Variants in FRMPD4 observed in about 807,000 individuals in gnomAD.
The protein encoded by FRMPD4 is FERM and PDZ domain-containing protein 4.
Under a neutral mutation model 94.1 loss-of-function variants are expected in FRMPD4, and 22 were observed. That is an observed-to-expected ratio of 0.23 (90% CI 0.17 to 0.33). The LOEUF is 0.33. Among genes scored for constraint, FRMPD4 ranks in the 10% least tolerant of loss-of-function variants. The pLI is 1.00. For synonymous variants in FRMPD4, 631 were observed against 548.6 expected (o/e 1.15, Z -2.10); for missense variants, 1,111 against 1,339.9 (o/e 0.83, Z 2.67).
chrX:12,453,689 G>A (rs763077296), intron 1 of FRMPD4, among the ~76,000 whole-genome samples: 2 of 111,235 alleles, frequency 1.8e-5, no homozygotes, highest in Non-Finnish European at 3.8e-5. Flanking sequence ...TAACCATCAC[G>A]TATTAAGCCC....
intron 1 of FRMPD4, among the ~76,000 whole-genome samples, chrX:12,185,755 A>G (rs11797588): frequency 0.11 from 11,796 of 111,480 alleles, 539 homozygotes; most frequent in South Asian, 0.28. Context: ...AAGGAATCCA[A>G]TTTATTCCCA....
intron 1 of FRMPD4, among the ~76,000 whole-genome samples, chrX:12,434,480 G>A (rs758973656): frequency 8.9e-6 from 1 of 112,227 alleles, no homozygotes; most frequent in African/African-American, 3.2e-5. Context: ...AAACATCAAA[G>A]GAAGGAAATG....
At chrX:12,679,884 T>C (rs889237433) in intron 5 of FRMPD4, among the ~76,000 whole-genome samples, 4 of 111,397 alleles carry the variant, frequency 3.6e-5, no homozygotes, top group Non-Finnish European at 7.5e-5. Flanking sequence ...CTCACCTACC[T>C]GGGATTCCTG....
chrX:12,480,840 A>T (rs2057672501), intron 1 of FRMPD4, among the ~76,000 whole-genome samples: 1 of 112,480 alleles, frequency 8.9e-6, no homozygotes, highest in Non-Finnish European at 1.9e-5. Flanking sequence ...AACAAAAAGT[A>T]GCCTAAGAAC....
chrX:12,017,562 A>G (rs1012121224), intron 3 of FRMPD4, among the ~76,000 whole-genome samples: 1 of 112,541 alleles, frequency 8.9e-6, no homozygotes, highest in Non-Finnish European at 1.9e-5. Context: ...TGAAGGGTCA[A>G]GAGTATATTG....
Position 12,716,836 on chromosome X carries a change from G to C in FRMPD4, c.2377G>C (p.Asp793His). Residue 793 changes from aspartate to histidine, a missense_variant, in exon 15 of 17, where the codon GAC (aspartate) becomes CAC (histidine). Around this residue, in one of 8 missense-constraint regions of FRMPD4, gnomAD observed 74 missense variants for 93.9 expected, o/e 0.79. Transcript: ENST00000675598. Reference sequence around the variant, plus strand: ...ATCCCTGCCCCCTCCAGAAGGTGATGACAATGAGGATGACTTCCTGTTGCG... The same window carrying C: ...ATCCCTGCCCCCTCCAGAAGGTGATCACAATGAGGATGACTTCCTGTTGCG... ...LTSLPPPEGD[D>H]NEDDFLLRSL... 8.3e-7 allele frequency: 1 copy of C among 1,211,941 alleles called. No homozygotes were observed. Among genetic ancestry groups the C allele is most frequent in the East Asian group, 3.0e-5 (1 of 33,852 alleles).
At chrX:12,483,285 A>G (rs2057707631) in intron 1 of FRMPD4, among the ~76,000 whole-genome samples, 1 of 112,126 alleles carries the variant, frequency 8.9e-6, no homozygotes, top group Non-Finnish European at 1.9e-5. Context: ...GAATTGGGCT[A>G]TAGCACAGAA....
chrX:11,885,806 C>T (rs1184734498), intron 3 of FRMPD4, among the ~76,000 whole-genome samples: 2 of 111,239 alleles, frequency 1.8e-5, no homozygotes, highest in Non-Finnish European at 3.8e-5. Flanking sequence ...AAGGGCCCAT[C>T]GCTTTTTTCA....
intron 4 of FRMPD4, among the ~76,000 whole-genome samples, chrX:12,648,812 T>C (rs1373378483): frequency 8.9e-6 from 1 of 112,260 alleles, no homozygotes; most frequent in Non-Finnish European, 1.9e-5. Flanking sequence ...TTGGTGCACA[T>C]AGCCTGGGTT....
At position 12,721,600 on chromosome X, in the gene FRMPD4, C is replaced by G. The variant is rs1237057358; in HGVS notation, c.5031C>G (p.Ser1677Arg). The G allele has an allele frequency of 1.1e-5, 8 of 753,881 alleles. No individual in the cohort carries two copies. The highest frequency in any genetic ancestry group is 1.1e-5 in the Non-Finnish European group (7 of 638,439). The allele number at this position is 753,881 out of a possible 1,213,427, so 62.1% of individuals were successfully genotyped here. ...AGATGCTCCTAGCTATGACTTCCAG[C>G]TTTCAAGTGCTCTGTTGCCTAACAG... is the stretch of plus-strand genomic sequence containing the variant. ...PEEMLLAMTSSFQVLCCLTEA... is the reference protein window; with the variant it reads ...PEEMLLAMTSRFQVLCCLTEA... Residue 1677 changes from serine (S) to arginine (R), a missense_variant, in exon 17 of 17, where the codon AGC becomes AGG. By Grantham distance (110) the Ser-to-Arg change is moderately radical (BLOSUM62 -1). Around this residue, in one of 8 missense-constraint regions of FRMPD4, gnomAD observed 551 missense variants for 591.6 expected, o/e 0.93. Coordinates refer to ENST00000675598, the MANE Select transcript of FRMPD4 (RefSeq NM_001368397.1).
rs2049162719 is a variant in FRMPD4 at position 12,016,999 on chromosome X, C to T, written c.95+138981C>T. Reference sequence around the variant, plus strand: ...AGGCTGTTGTGTGCCTTAGAATAGGCTTGCTCCATATACTGCTACTATTTA... The same window carrying T: ...AGGCTGTTGTGTGCCTTAGAATAGGTTTGCTCCATATACTGCTACTATTTA... On this transcript the variant is annotated intron_variant, in intron 3 of 18. Transcript: ENST00000640291. Among the ~76,000 whole-genome samples, 3 of 112,279 alleles carry T rather than the reference C, an allele frequency of 2.7e-5. No individual in the cohort carries two copies. In the South Asian group the frequency reaches 1.1e-3, roughly 42 times the overall value.
intron 1 of FRMPD4, among the ~76,000 whole-genome samples, chrX:12,339,941 G>A (rs1003584064): frequency 6.2e-5 from 7 of 112,281 alleles, no homozygotes; most frequent in Non-Finnish European, 1.3e-4. Flanking sequence ...AAACAAATTT[G>A]GGTAGCAATC....
intron 1 of FRMPD4, among the ~76,000 whole-genome samples, chrX:12,475,157 C>T (rs1481626923): frequency 8.9e-6 from 1 of 112,087 alleles, no homozygotes; most frequent in Non-Finnish European, 1.9e-5. Context: ...GCTGGTTCAA[C>T]ATACCCAAAT....
intron 4 of FRMPD4, among the ~76,000 whole-genome samples, chrX:12,658,896 A>T (rs1343732229): frequency 9.0e-6 from 1 of 111,692 alleles, no homozygotes; most frequent in African/African-American, 3.3e-5. Flanking sequence ...CCTGCAATCC[A>T]TTCTCAGCTT....
At chrX:12,189,567 A>G (rs1390293131) in intron 1 of FRMPD4, among the ~76,000 whole-genome samples, 3 of 112,204 alleles carry the variant, frequency 2.7e-5, no homozygotes, top group Non-Finnish European at 5.7e-5. Context: ...TTACACCACA[A>G]CCAAGTAGGA....
intron 1 of FRMPD4, among the ~76,000 whole-genome samples, chrX:12,173,026 A>G (rs2056248907): frequency 8.9e-6 from 1 of 112,665 alleles, no homozygotes. Flanking sequence ...ATGTGTATTC[A>G]GTTTCTACCC....
At chrX:11,846,328 G>T (rs1203445504) in intron 1 of FRMPD4, among the ~76,000 whole-genome samples, 2 of 108,557 alleles carry the variant, frequency 1.8e-5, no homozygotes, top group African/African-American at 6.7e-5. Flanking sequence ...TACAAGGGAC[G>T]TGAAGGACCT....
At chrX:12,702,488 C>T (rs1477282167) in intron 10 of FRMPD4, among the ~76,000 whole-genome samples, 2 of 111,911 alleles carry the variant, frequency 1.8e-5, no homozygotes, top group Non-Finnish European at 3.8e-5. Flanking sequence ...GGTTGAGGCA[C>T]CTGTGTTTGG....
intron 3 of FRMPD4, among the ~76,000 whole-genome samples, chrX:12,129,159 G>C (rs1201302064): frequency 1.8e-5 from 2 of 111,929 alleles, no homozygotes; most frequent in African/African-American, 6.5e-5. Flanking sequence ...TGTGGTACCA[G>C]TTTACTGTAT....
Sources: gnomAD v4.1 joint callset for allele counts (sites outside exome capture counted in the v4.1 genomes callset) on GRCh38, gnomAD v4.1.1 for gene constraint, gnomAD v4.1.1 regional missense constraint, MANE v1.5 for transcripts, NCBI Gene and HGNC (gene_info 2026-07-23, HGNC 2026-07-21) for gene names.